The following TEAD4 variants were observed in gnomAD, a reference collection of about 807,000 sequenced individuals.
The protein encoded by TEAD4 is transcriptional enhancer factor TEF-3.
TEAD4 carries 36 observed loss-of-function variants against 52.4 expected under a neutral mutation model. That is an observed-to-expected ratio of 0.69 (90% CI 0.53 to 0.91). The LOEUF (loss-of-function observed/expected upper bound fraction) is 0.91, where lower values mean the gene tolerates loss of function less well. Ranked by LOEUF, TEAD4 falls within the 40% of genes least tolerant of loss-of-function variation. The pLI is 0.00. For missense variants in TEAD4, 508 were observed against 583.9 expected, an observed-to-expected ratio of 0.87 and a Z score of 1.34; for synonymous variants, 220 against 231.0, an observed-to-expected ratio of 0.95 and a Z score of 0.43.
intron 2 of TEAD4, among the ~76,000 whole-genome samples, chr12:2,974,726 G>T (rs1413291244): frequency 1.3e-5 from 2 of 152,108 alleles, no homozygotes; most frequent in South Asian, 2.1e-4. Context: ...AGGGCAGGGC[G>T]TGCACCGAGG....
intron 2 of TEAD4, among the ~76,000 whole-genome samples, chr12:2,985,684 T>C (rs1297418896): frequency 1.3e-5 from 2 of 151,642 alleles, no homozygotes; most frequent in African/African-American, 4.8e-5. Flanking sequence ...TTTTGTATTT[T>C]TAGTAGAGAC....
chr12:2,992,705 G>A (rs558251821), intron 2 of TEAD4, among the ~76,000 whole-genome samples: 53 of 152,224 alleles, frequency 3.5e-4, no homozygotes, highest in Non-Finnish European at 7.4e-4. Context: ...TGTGTGACGC[G>A]GTGAGGTCCT....
intron 2 of TEAD4, among the ~76,000 whole-genome samples, chr12:2,992,033 TTTTG>T (rs2098243488): frequency 6.7e-6 from 1 of 148,604 alleles, no homozygotes; most frequent in Admixed American, 6.7e-5. Context: ...TTTTTTTTTT[TTTTG>T]AGGCGGAGTC....
Position 2,969,765 on chromosome 12 carries a change from G to A in TEAD4, c.-30+9725G>A, listed in dbSNP as rs2098223579. 2.6e-5 allele frequency among the ~76,000 whole-genome samples: 4 copies of A among 152,176 alleles called. No homozygotes were observed. The South Asian group carries it at 8.3e-4, about 31-fold the overall frequency. On this transcript the variant is annotated intron_variant, in intron 2 of 12. Transcript: ENST00000359864. ...TTATTGCGTGGCTGCCATCGTCTTT[G>A]TCCAAACAAGCACGGTGTTAGGAAC...
rs535596810 is a variant in TEAD4, at chr12:3,036,924, G to C, written c.898-1044G>C. ...TTGGGGTTGGAGGCTGAAGACCTGG[G>C]GTCTTTCACTTACTAGTTGGATGGT... On this transcript the variant is annotated intron_variant, in intron 10 of 12. Coordinates refer to ENST00000359864, the MANE Select transcript of TEAD4 (RefSeq NM_003213.4). 9.0e-4 allele frequency among the ~76,000 whole-genome samples: 137 copies of C among 152,228 alleles called. 1 individual carries two copies. Among genetic ancestry groups the C allele is most frequent in the African/African-American group, 3.0e-3 (123 of 41,548 alleles).
intron 2 of TEAD4, among the ~76,000 whole-genome samples, chr12:2,964,878 T>C (rs573447964): frequency 3.3e-5 from 5 of 152,152 alleles, no homozygotes; most frequent in African/African-American, 1.2e-4. Flanking sequence ...CGACCAGACT[T>C]TGTGAGGAGG....
intron 10 of TEAD4, among the ~76,000 whole-genome samples, chr12:3,030,181 T>G (rs2098274661): frequency 1.3e-5 from 2 of 152,158 alleles, no homozygotes; most frequent in Admixed American, 1.3e-4. Flanking sequence ...TTAAAAAGTT[T>G]TTTTGTTTGT....
intron 10 of TEAD4, among the ~76,000 whole-genome samples, chr12:3,028,345 G>A (rs1381437663): frequency 6.6e-6 from 1 of 152,128 alleles, no homozygotes; most frequent in Non-Finnish European, 1.5e-5. Flanking sequence ...GGGTCATATG[G>A]CAACTCTCTT....
rs1235102543 is a variant in TEAD4, at chr12:3,024,593, G to A, written c.897+2576G>A. ...GATTGCTTGAGCCTGGGAGGCAGAG[G>A]TTGCAGTGAGCCAAAATCGCACCAT... On this transcript the variant is annotated intron_variant, in intron 10 of 12. Transcript: ENST00000359864. Among the ~76,000 whole-genome samples, 8 of 152,254 alleles carry A rather than the reference G, an allele frequency of 5.3e-5. No individual in the cohort carries two copies. In the East Asian group the frequency reaches 1.5e-3, roughly 29 times the overall value.
chr12:3,023,712 A>G (rs2098270233), intron 10 of TEAD4, among the ~76,000 whole-genome samples: 1 of 151,426 alleles, frequency 6.6e-6, no homozygotes, highest in Non-Finnish European at 1.5e-5. Flanking sequence ...TAATCGCTTG[A>G]ACGTGGGAGG....
chr12:3,014,306 G>T (rs184102625), intron 5 of TEAD4, among the ~76,000 whole-genome samples: 1 of 152,250 alleles, frequency 6.6e-6, no homozygotes, highest in African/African-American at 2.4e-5. Context: ...GGGGCCGGCT[G>T]TGTGGCCCAC....
chr12:2,979,920 C>T (rs2098232805), intron 2 of TEAD4, among the ~76,000 whole-genome samples: 1 of 152,136 alleles, frequency 6.6e-6, no homozygotes. Flanking sequence ...ACTGAAGTAC[C>T]TGTGCTGAGT....
At chr12:2,992,940 G>A (rs2098244317) in intron 2 of TEAD4, among the ~76,000 whole-genome samples, 1 of 152,180 alleles carries the variant, frequency 6.6e-6, no homozygotes, top group African/African-American at 2.4e-5. Context: ...AGGGGAAGGT[G>A]GGGTTGTGAC....
At chr12:2,960,352 A>G in intron 2 of TEAD4, 1 of 985,540 alleles carries the variant, frequency 1.0e-6, no homozygotes, top group South Asian at 4.7e-5. Context: ...AGAGACCTGG[A>G]GGTAAGCGGA....
intron 10 of TEAD4, among the ~76,000 whole-genome samples, chr12:3,034,415 A>G (rs1176727974): frequency 6.6e-6 from 1 of 152,140 alleles, no homozygotes. Flanking sequence ...GGGAGAGCTT[A>G]GTTCTTGCCT....
intron 10 of TEAD4, among the ~76,000 whole-genome samples, chr12:3,030,980 C>T (rs1244261805): frequency 6.6e-6 from 1 of 152,226 alleles, no homozygotes; most frequent in African/African-American, 2.4e-5. Flanking sequence ...GTGTGAGACT[C>T]CTGCAGTGGA....
At chr12:2,969,355 G>C (rs1220512437) in intron 2 of TEAD4, among the ~76,000 whole-genome samples, 1 of 152,212 alleles carries the variant, frequency 6.6e-6, no homozygotes, top group Non-Finnish European at 1.5e-5. Context: ...TGCAAACACT[G>C]TACCGTTTTA....
chr12:2,999,663 C>G (rs1004401878), intron 3 of TEAD4, among the ~76,000 whole-genome samples: 1 of 152,250 alleles, frequency 6.6e-6, no homozygotes, highest in Non-Finnish European at 1.5e-5. Context: ...CATTTCTGCC[C>G]TGTCACTGTG....
At chr12:3,008,341 G>A (rs915058438) in intron 3 of TEAD4, among the ~76,000 whole-genome samples, 1 of 152,138 alleles carries the variant, frequency 6.6e-6, no homozygotes, top group African/African-American at 2.4e-5. Flanking sequence ...GGGCAGGTGT[G>A]GGCCTGGTGT....
Sources: gnomAD v4.1 joint callset for allele counts (sites outside exome capture counted in the v4.1 genomes callset) on GRCh38, gnomAD v4.1.1 for gene constraint, MANE v1.5 for transcripts, NCBI Gene and HGNC (gene_info 2026-07-23, HGNC 2026-07-21) for gene names.